The following ABCA7 variants were observed in gnomAD, a reference collection of about 807,000 sequenced individuals.
ABCA7 encodes the protein ATP binding cassette subfamily A member 7, also known as phospholipid-transporting ATPase ABCA7.
A neutral mutation model predicts 227.6 loss-of-function variants in ABCA7; 261 were observed. The observed-to-expected ratio is 1.15, with a 90% CI of 1.04 to 1.27. The LOEUF (loss-of-function observed/expected upper bound fraction) is 1.27, where lower values mean the gene tolerates loss of function less well. Ranked by LOEUF, ABCA7 falls within the 50% of genes most tolerant of loss-of-function variation. The probability of loss-of-function intolerance (pLI) is 0.00; values close to 1 mark genes in which losing one functional copy is unlikely to be tolerated. For synonymous variants in ABCA7, 1,488 were observed against 1,279.7 expected (o/e 1.16, Z -3.47); for missense variants, 3,331 against 2,924.5 (o/e 1.14, Z -3.21).
rs2041573094 is a variant in ABCA7 at position 1,051,064 on chromosome 19, C to T, written c.2684+12C>T. 1 of 1,610,402 alleles carries T rather than the reference C, an allele frequency of 6.2e-7. No homozygotes were observed. Among genetic ancestry groups the T allele is most frequent in the Non-Finnish European group, 8.5e-7 (1 of 1,178,590 alleles). On this transcript the variant is annotated intron_variant, in intron 19 of 46. Transcript: ENST00000263094. ...GTGCTGTTTGACATGTGCGTCTCGG[C>T]AGGCCCAGAGTGCAGCGGTGGGAAG...
At chr19:1,044,777 A>G in intron 11 of ABCA7, 33 bp downstream of exon 11, 1 of 1,565,980 alleles carries the variant, frequency 6.4e-7, no homozygotes, top group Non-Finnish European at 8.6e-7. Context: ...GGTCTGTTTC[A>G]GTGGGGAGGG....
chr19:1,063,716 G>C (rs1354413927), intron 43 of ABCA7, 38 bp downstream of exon 43: 18 of 1,554,688 alleles, frequency 1.2e-5, no homozygotes, highest in Non-Finnish European at 1.6e-5. Flanking sequence ...TGGGGCCTGC[G>C]ACGGAGGCGG....
Position 1,055,903 on chromosome 19 carries a change from A to G in ABCA7, c.4206-4A>G. 1 of 1,589,852 alleles carries G rather than the reference A, an allele frequency of 6.3e-7. No individual in the cohort carries two copies. The highest frequency in any genetic ancestry group is 8.6e-7 in the Non-Finnish European group (1 of 1,167,378). On this transcript the variant is annotated splice_region_variant and splice_polypyrimidine_tract_variant and intron_variant, in intron 30 of 46. Transcript: ENST00000263094. ...GCCTGTGTCTCTGTCCATCTCTCCC[A>G]CAGCCTGAAGACTAAGAAGTGGGTG...
intron 40 of ABCA7, among the ~76,000 whole-genome samples, chr19:1,060,207 A>ATATATATATATTTTTTTT: frequency 1.0e-5 from 1 of 96,770 alleles, no homozygotes; most frequent in African/African-American, 3.5e-5. Context: ...ATATATATAT[A>ATATATATATATTTTTTTT]TTTTTTTTTC....
intron 40 of ABCA7, among the ~76,000 whole-genome samples, chr19:1,061,414 A>G (rs2042647202): frequency 1.4e-5 from 2 of 141,280 alleles, no homozygotes; most frequent in Admixed American, 1.4e-4. Flanking sequence ...AAAAAAAAAG[A>G]GGCTGGGTGC....
intron 42 of ABCA7, 61 bp downstream of exon 42, chr19:1,062,374 C>T (rs1054276198): frequency 1.5e-5 from 23 of 1,575,396 alleles, no homozygotes; most frequent in Non-Finnish European, 1.5e-5. Flanking sequence ...CAGGCCGTGC[C>T]TCTAAAGCCT....
At position 1,042,324 on chromosome 19, in the gene ABCA7, A is replaced by C; in HGVS notation, c.425A>C (p.Gln142Pro). The part of the protein sequence containing the change: ...LRAARSTAQP[Q>P]PTKQSPLEPP... ...TGCGCTCCTCCCCCAGCCCAGCCTC[A>C]ACCAACCAAGCAGTCTCCACTGGAA... The change falls in exon 6 of 47, where the codon CAA becomes CCA. Residue 142 changes from glutamine to proline, a missense_variant. Physicochemically the swap from Gln to Pro is moderately conservative, Grantham distance 76. Transcript: ENST00000263094. 1 of 1,579,372 alleles carries C rather than the reference A, an allele frequency of 6.3e-7. No individual in the cohort carries two copies. Among genetic ancestry groups the C allele is most frequent in the Non-Finnish European group, 8.6e-7 (1 of 1,156,878 alleles).
intron 45 of ABCA7, chr19:1,064,566 A>C: frequency 3.5e-6 from 1 of 286,646 alleles, no homozygotes; most frequent in Non-Finnish European, 6.1e-6. Context: ...GGGCCTGGTT[A>C]GTGGGCGGGG....
intron 12 of ABCA7, among the ~76,000 whole-genome samples, 174 bp from the exon 13 acceptor site, chr19:1,046,056 G>C (rs549988828): frequency 1.4e-4 from 21 of 152,350 alleles, no homozygotes; most frequent in African/African-American, 5.1e-4. Flanking sequence ...GGGAGGCCGA[G>C]CTGGGGGGAT....
In ABCA7 at chr19:1,041,593, G is replaced by A. The variant is rs1445806919; in HGVS notation, c.150G>A (p.Glu50=). The change falls in exon 3 of 47, where the codon GAG becomes GAA. Residue 50 remains glutamate (E), a synonymous_variant. Transcript: ENST00000263094. ...TTCGCCACTCCCACCCGCCCCTGGA[G>A]CACCATGAATGTGAGCCCCCCCAGG... is the stretch of plus-strand genomic sequence containing the variant. ...VAVRHSHPPL[E]HHECHFPNKP... is the part of the protein sequence containing the mutation. 1 of 1,612,274 alleles carries A rather than the reference G, an allele frequency of 6.2e-7. No homozygotes were observed. The highest frequency in any genetic ancestry group is 2.2e-5 in the East Asian group (1 of 44,888).
In ABCA7 at chr19:1,045,026, G is replaced by A. The variant is rs745659364; in HGVS notation, c.1240G>A (p.Ala414Thr). The A allele has an allele frequency of 2.5e-6, 4 of 1,612,650 alleles. No homozygotes were observed. The highest frequency in any genetic ancestry group is 3.4e-6 in the Non-Finnish European group (4 of 1,179,966). The part of the protein sequence containing the change: ...TECLSLDKLE[A>T]APSEAALVSR... ...GTGCCTGTCCTTGGACAAGCTGGAG[G>A]CGGCACCCTCAGAGGCAGCCCTGGT... The change falls in exon 12 of 47, where the codon GCG (alanine) becomes ACG (threonine). Residue 414 changes from alanine to threonine, a missense_variant. Physicochemically the swap from Ala to Thr is moderately conservative, Grantham distance 58. Transcript: ENST00000263094.
At chr19:1,061,554 C>T (rs1225595461) in intron 40 of ABCA7, among the ~76,000 whole-genome samples, 2 of 151,644 alleles carry the variant, frequency 1.3e-5, no homozygotes, top group Non-Finnish European at 2.9e-5. Flanking sequence ...CAAAAATTAG[C>T]TGGGCATGGT....
intron 18 of ABCA7, among the ~76,000 whole-genome samples, chr19:1,050,333 A>C (rs1206065193): frequency 1.3e-5 from 2 of 150,074 alleles, no homozygotes; most frequent in Non-Finnish European, 3.0e-5. Flanking sequence ...AACTGCTTGA[A>C]CCCTGGAGGC....
At chr19:1,042,546 C>G in intron 6 of ABCA7, 149 bp downstream of exon 6, 1 of 1,118,146 alleles carries the variant, frequency 8.9e-7, no homozygotes, top group Non-Finnish European at 1.3e-6. Context: ...CCGTCTGGGC[C>G]CCCAGACAGA....
chr19:1,064,875 C>A, intron 45 of ABCA7, 56 bp from the exon 46 acceptor site: 1 of 1,518,538 alleles, frequency 6.6e-7, no homozygotes, highest in South Asian at 1.2e-5. Context: ...GGAGGGTGAG[C>A]TGAGGTGGGA....
At chr19:1,049,147 C>T in intron 17 of ABCA7, 119 bp from the exon 18 acceptor site, 1 of 1,232,634 alleles carries the variant, frequency 8.1e-7, no homozygotes, top group Non-Finnish European at 1.1e-6. Flanking sequence ...TCCCCAAGCT[C>T]CCGCAGCTTT....
At chr19:1,064,895 G>A (rs1477663547) in intron 45 of ABCA7, 36 bp from the exon 46 acceptor site, 2 of 1,545,340 alleles carry the variant, frequency 1.3e-6, no homozygotes, top group African/African-American at 1.4e-5. Context: ...ACCTGGGAAA[G>A]GCCCGATCCG....
Position 1,065,537 on chromosome 19 carries a change from TAAAG to T in ABCA7, c.*114_*117del. 7.7e-7 allele frequency: 1 copy of T among 1,295,996 alleles called. No individual in the cohort carries two copies. Among genetic ancestry groups the T allele is most frequent in the Non-Finnish European group, 1.1e-6 (1 of 945,052 alleles). The allele number at this position is 1,295,996 out of a possible 1,614,324, so 80.3% of individuals were successfully genotyped here. A position where few individuals can be genotyped will look rare whatever the true frequency, so the allele number is the denominator to read the frequency against. On this transcript the variant is annotated 3_prime_UTR_variant, in exon 47 of 47. Coordinates refer to ENST00000263094, the MANE Select transcript of ABCA7 (RefSeq NM_019112.4). Reference sequence around the variant, plus strand: ...AGAGGGGCTGGTGCCCTGGAGAAAATAAAGAGAAGGCTGGAGAGAAGCCGTGGTG... The same window carrying T: ...AGAGGGGCTGGTGCCCTGGAGAAAATAGAAGGCTGGAGAGAAGCCGTGGTG...
chr19:1,062,228 A>T lies in ABCA7; in HGVS notation c.5627A>T (p.Asp1876Val). ...AGCATGGGATACTGCCCTCAATCCG[A>T]TGCCATCTTTGAGCTGCTGACGGGC... The part of the protein sequence containing the change: ...HLSMGYCPQS[D>V]AIFELLTGRE... The change falls in exon 42 of 47, where the codon GAT becomes GTT. Residue 1876 changes from aspartate to valine, a missense_variant. Asp to Val is a radical substitution (Grantham distance 152). Coordinates refer to ENST00000263094, the MANE Select transcript of ABCA7 (RefSeq NM_019112.4). The T allele has an allele frequency of 6.2e-7, 1 of 1,612,304 alleles. No individual in the cohort carries two copies. Among genetic ancestry groups the T allele is most frequent in the Non-Finnish European group, 8.5e-7 (1 of 1,179,784 alleles).
Sources: allele counts gnomAD v4.1 joint callset (sites outside exome capture counted in the v4.1 genomes callset), GRCh38; gene constraint gnomAD v4.1.1; transcripts MANE v1.5; gene names NCBI Gene and HGNC (gene_info 2026-07-23, HGNC 2026-07-21).